CDH3: variants seen among roughly 807,000 people sequenced by gnomAD.
CDH3 encodes the protein cadherin-3.
In CDH3, 54 loss-of-function variants were observed where a neutral mutation model predicts 82.0. The ratio of observed to expected loss-of-function variants is 0.66; its 90% CI spans 0.53 to 0.83. CDH3 has a LOEUF of 0.83. Among genes scored for constraint, CDH3 ranks in the 40% least tolerant of loss-of-function variants. The pLI is 0.00. For synonymous variants in CDH3, 446 were observed against 437.9 expected (o/e 1.02, Z -0.23); for missense variants, 1,054 against 1,084.6 (o/e 0.97, Z 0.40).
intron 2 of CDH3, among the ~76,000 whole-genome samples, chr16:68,658,480 G>A (rs771748203): frequency 1.3e-5 from 2 of 152,134 alleles, no homozygotes; most frequent in African/African-American, 2.4e-5. Context: ...GCGGCTGGCT[G>A]GACTGCTCAC....
intron 2 of CDH3, among the ~76,000 whole-genome samples, chr16:68,722,915 C>A (rs1320181141): frequency 6.6e-6 from 1 of 151,964 alleles, no homozygotes; most frequent in Non-Finnish European, 1.5e-5. Flanking sequence ...TGCCTCAGCT[C>A]CCTGAGTAGC....
intron 15 of CDH3, chr16:68,696,950 C>T (rs927308893): frequency 1.3e-5 from 2 of 151,468 alleles, no homozygotes; most frequent in East Asian, 3.9e-4. Flanking sequence ...GCCTCGACCT[C>T]ACATGCCTCT....
At chr16:68,660,966 CA>C (rs10590071) in intron 2 of CDH3, among the ~76,000 whole-genome samples, 53,143 of 116,804 alleles carry the variant, frequency 0.45, 10,071 homozygotes, top group East Asian at 0.64. Flanking sequence ...GACTCCGTCT[CA>C]AAAAAAAAAA....
rs1192292604 is a variant in CDH3, at chr16:68,700,026, T to C, written c.*1626T>C. 6.6e-6 allele frequency: 1 copy of C among 152,192 alleles called. No individual in the cohort carries two copies. Among genetic ancestry groups the C allele is most frequent in the African/African-American group, 2.4e-5 (1 of 41,458 alleles). 9.4% of individuals were successfully genotyped at this position (152,192 alleles called of 1,614,324 possible). A position where few individuals can be genotyped will look rare whatever the true frequency, so the allele number is the denominator to read the frequency against. On this transcript the variant is annotated 3_prime_UTR_variant, in exon 16 of 16. Coordinates refer to ENST00000264012, the MANE Select transcript of CDH3 (RefSeq NM_001793.6). Reference sequence around the variant, plus strand: ...TCTCCTTTAAAGAATGGCCACATTGTATTTGTTTTTTTAAATGACATCTGG... The same window carrying C: ...TCTCCTTTAAAGAATGGCCACATTGCATTTGTTTTTTTAAATGACATCTGG...
chr16:68,695,165 C>A, intron 13 of CDH3, 90 bp from the exon 14 acceptor site: 2 of 1,336,346 alleles, frequency 1.5e-6, no homozygotes, highest in Non-Finnish European at 2.2e-6. Flanking sequence ...TGAGTGAGGA[C>A]ATCTGCAGTT....
chr16:68,673,204 T>C (rs1960934346), intron 2 of CDH3, among the ~76,000 whole-genome samples: 1 of 152,238 alleles, frequency 6.6e-6, no homozygotes, highest in African/African-American at 2.4e-5. Context: ...TATATCAATA[T>C]GTACTGCCAA....
chr16:68,684,419 CAGGAA>C (rs1178622874), intron 9 of CDH3, among the ~76,000 whole-genome samples, 159 bp from the exon 10 acceptor site: 3 of 152,170 alleles, frequency 2.0e-5, no homozygotes, highest in Non-Finnish European at 4.4e-5. Flanking sequence ...GATGTGCACT[CAGGAA>C]ACACGGGAGT....
chr16:68,682,399 C>T lies in CDH3; in HGVS notation c.1094C>T (p.Thr365Ile). ...CCCAACTCACCAGCGTGGCGTGCCACCTACCTTATCATGGGCGGTGACGAC... is the reference window on the plus strand; with the variant it reads ...CCCAACTCACCAGCGTGGCGTGCCATCTACCTTATCATGGGCGGTGACGAC... ...DAPNSPAWRA[T>I]YLIMGGDDGD... Residue 365 changes from threonine (T) to isoleucine (I), a missense_variant, in exon 9 of 16, where the codon ACC becomes ATC. Transcript: ENST00000264012. 6.2e-7 allele frequency: 1 copy of T among 1,614,106 alleles called. No homozygotes were observed.
At chr16:68,682,149 G>A (rs552975581) in intron 8 of CDH3, among the ~76,000 whole-genome samples, 153 bp from the exon 9 acceptor site, 23 of 152,260 alleles carry the variant, frequency 1.5e-4, no homozygotes, top group African/African-American at 3.9e-4. Context: ...ACATCCTGCC[G>A]CTGTGTATAC....
At chr16:68,653,944 C>T (rs1403542579) in intron 2 of CDH3, among the ~76,000 whole-genome samples, 5 of 151,612 alleles carry the variant, frequency 3.3e-5, no homozygotes, top group Non-Finnish European at 7.4e-5. Flanking sequence ...GTCTCGATCT[C>T]CTGACCTCAT....
At chr16:68,712,037 C>CTTT (rs58452743) in intron 1 of CDH3, among the ~76,000 whole-genome samples, 62,352 of 118,796 alleles carry the variant, frequency 0.52, 16,660 homozygotes, top group Non-Finnish European at 0.6. Context: ...TTTTTGTTTT[C>CTTT]TTTTTTTTTT....
chr16:68,681,182 T>A (rs1483989019), intron 8 of CDH3, 86 bp downstream of exon 8: 1 of 1,425,980 alleles, frequency 7.0e-7, no homozygotes, highest in Non-Finnish European at 9.9e-7. Flanking sequence ...CAGTCTATAT[T>A]GCTTCAAATG....
intron 2 of CDH3, among the ~76,000 whole-genome samples, chr16:68,660,466 A>G (rs1960533720): frequency 6.6e-6 from 1 of 152,178 alleles, no homozygotes; most frequent in African/African-American, 2.4e-5. Context: ...TTTTTTCTCA[A>G]GTTTTTCTTT....
chr16:68,669,367 T>C (rs1334152104), intron 2 of CDH3, among the ~76,000 whole-genome samples: 1 of 152,170 alleles, frequency 6.6e-6, no homozygotes, highest in East Asian at 1.9e-4. Flanking sequence ...TCCTCAGATG[T>C]ATCTGGAATA....
At chr16:68,696,105 CT>C in intron 15 of CDH3, 182 bp downstream of exon 15, 3 of 708,622 alleles carry the variant, frequency 4.2e-6, no homozygotes, top group Non-Finnish European at 7.5e-6. Context: ...CTCCATAGAA[CT>C]CACTTGCAGA....
chr16:68,686,547 G>T, intron 11 of CDH3: 1 of 1,164,544 alleles, frequency 8.6e-7, no homozygotes, highest in Non-Finnish European at 1.3e-6. Flanking sequence ...AAAGGAAAGG[G>T]TGGAGGGATT....
intron 11 of CDH3, among the ~76,000 whole-genome samples, chr16:68,685,920 C>T (rs1465905769): frequency 2.0e-5 from 3 of 152,202 alleles, no homozygotes. Flanking sequence ...AATGCTAGCA[C>T]TTTGAGAGGC....
intron 2 of CDH3, among the ~76,000 whole-genome samples, chr16:68,724,988 C>A (rs1252697544): frequency 1.3e-5 from 2 of 152,106 alleles, no homozygotes; most frequent in Non-Finnish European, 2.9e-5. Flanking sequence ...ACCTGATTCC[C>A]TTGCTCTGAG....
rs1961689131 is a variant in CDH3 at position 68,695,342 on chromosome 16, A to G, written c.2090A>G (p.Asn697Ser). ...LLLPEDDTRD[N>S]VFYYGEEGGG... ...CTCCCAGAAGATGACACCCGTGACA[A>G]CGTCTTCTACTATGGCGAAGAGGGG... The change falls in exon 14 of 16, where the codon AAC (asparagine) becomes AGC (serine). Residue 697 changes from asparagine (N) to serine (S), a missense_variant. Asn to Ser is a conservative substitution (Grantham distance 46). Transcript: ENST00000264012. 1 of 1,614,028 alleles carries G rather than the reference A, an allele frequency of 6.2e-7. No homozygotes were observed. Among genetic ancestry groups the G allele is most frequent in the Non-Finnish European group, 8.5e-7 (1 of 1,179,980 alleles).
Sources: gnomAD v4.1 joint callset for allele counts (sites outside exome capture counted in the v4.1 genomes callset) on GRCh38, gnomAD v4.1.1 for gene constraint, MANE v1.5 for transcripts, NCBI Gene and HGNC (gene_info 2026-07-23, HGNC 2026-07-21) for gene names.